Variants in DERL2 observed in about 807,000 individuals in gnomAD.
DERL2 encodes derlin 2.
Under a neutral mutation model 32.0 loss-of-function variants are expected in DERL2, and 13 were observed. That is an observed-to-expected ratio of 0.41 (90% CI 0.26 to 0.65). DERL2 has a LOEUF of 0.65. Among genes scored for constraint, DERL2 ranks in the 30% least tolerant of loss-of-function variants. The probability of loss-of-function intolerance (pLI) is 0.35; values close to 1 mark genes in which losing one functional copy is unlikely to be tolerated. For synonymous variants in DERL2, 111 were observed against 104.7 expected (o/e 1.06, Z -0.37); for missense variants, 208 against 296.3 (o/e 0.70, Z 2.19).
Position 5,484,605 on chromosome 17 carries a change from C to T in DERL2, c.159+546G>A, listed in dbSNP as rs542206051. On this transcript the variant is annotated intron_variant, in intron 2 of 6. Transcript: ENST00000158771. ...TCTCCCATTGTAATCTAATAAACCA[C>T]CATATAGCTTTAGATGTTTGGAATT... Among the ~76,000 whole-genome samples, 9 of 152,326 alleles carry T rather than the reference C, an allele frequency of 5.9e-5. No individual in the cohort carries two copies. The South Asian group carries it at 1.4e-3, about 25-fold the overall frequency.
intron 6 of DERL2, among the ~76,000 whole-genome samples, chr17:5,477,543 G>C (rs965218575): frequency 1.3e-5 from 2 of 152,136 alleles, no homozygotes; most frequent in Non-Finnish European, 2.9e-5. Flanking sequence ...AAGGAATTAA[G>C]TATACATATA....
At chr17:5,482,146 T>C (rs1263878106) in intron 3 of DERL2, 1 of 152,212 alleles carries the variant, frequency 6.6e-6, no homozygotes, top group Non-Finnish European at 1.5e-5. Flanking sequence ...GAGAAAAAAC[T>C]TTAATGGAAA....
upstream of DERL2, chr17:5,486,310 A>C (rs1019087369): frequency 3.6e-4 from 207 of 573,286 alleles, no homozygotes; most frequent in East Asian, 6.9e-4. Context: ...CAATCCGTAG[A>C]GACCTAAGGA....
intron 2 of DERL2, among the ~76,000 whole-genome samples, chr17:5,483,836 G>C (rs920038412): frequency 6.6e-6 from 1 of 152,226 alleles, no homozygotes; most frequent in East Asian, 1.9e-4. Context: ...GACTTACTTG[G>C]ATGGAACTAC....
intron 6 of DERL2, among the ~76,000 whole-genome samples, chr17:5,475,672 C>T (rs1390410648): frequency 4.6e-5 from 7 of 152,040 alleles, no homozygotes; most frequent in Admixed American, 2.0e-4. Flanking sequence ...TCACTTGAAC[C>T]TGGGAGGCAC....
intron 6 of DERL2, among the ~76,000 whole-genome samples, chr17:5,479,496 T>TAAAAAAAAAAAAAAAAA (rs11306765): frequency 1.6e-3 from 112 of 69,408 alleles, no homozygotes; most frequent in Non-Finnish European, 2.6e-3. Flanking sequence ...AGACTCCATG[T>TAAAAAAAAAAAAAAAAA]AAAAAAAAAA....
At chr17:5,484,876 G>A (rs1039950064) in intron 2 of DERL2, among the ~76,000 whole-genome samples, 1 of 152,124 alleles carries the variant, frequency 6.6e-6, no homozygotes, top group African/African-American at 2.4e-5. Context: ...AACGATGCAG[G>A]GAACTTTAAA....
chr17:5,486,361 C>CG, upstream of DERL2: 3 of 507,256 alleles, frequency 5.9e-6, no homozygotes, highest in East Asian at 3.5e-5. Flanking sequence ...CCACCGCCCC[C>CG]CCCCAGCGCC....
chr17:5,485,001 G>C (rs1906074757), intron 2 of DERL2, 150 bp downstream of exon 2: 2 of 472,462 alleles, frequency 4.2e-6, no homozygotes. Context: ...CCAGGCTGCA[G>C]AATCACTGCT....
At chr17:5,480,334 A>C (rs1408699793) in intron 5 of DERL2, 53 bp downstream of exon 5, 1 of 1,539,024 alleles carries the variant, frequency 6.5e-7, no homozygotes, top group African/African-American at 1.4e-5. Context: ...AAAAATAGTA[A>C]CAAAATACTT....
chr17:5,475,341 C>T (rs1009737709), intron 6 of DERL2, among the ~76,000 whole-genome samples: 1 of 151,232 alleles, frequency 6.6e-6, no homozygotes, highest in Non-Finnish European at 1.5e-5. Context: ...CTCACTGCAA[C>T]CTCCGCCTCC....
chr17:5,476,008 T>G (rs1905360318), intron 6 of DERL2, among the ~76,000 whole-genome samples: 2 of 152,300 alleles, frequency 1.3e-5, no homozygotes, highest in African/African-American at 4.8e-5. Context: ...ACAGTATGAA[T>G]ATACTTAATG....
intron 6 of DERL2, 93 bp downstream of exon 6, chr17:5,479,961 T>G: frequency 1.3e-6 from 1 of 747,588 alleles, no homozygotes; most frequent in South Asian, 1.7e-5. Flanking sequence ...CTGAGCTATG[T>G]GTACTAGGAG....
intron 1 of DERL2, 156 bp downstream of exon 1, chr17:5,485,913 C>A (rs1906219215): frequency 3.7e-6 from 2 of 545,688 alleles, no homozygotes; most frequent in Non-Finnish European, 6.3e-6. Context: ...GATAAGCATT[C>A]TTGGCGCCAA....
chr17:5,476,937 G>T (rs1905427563), intron 6 of DERL2, among the ~76,000 whole-genome samples: 1 of 152,176 alleles, frequency 6.6e-6, no homozygotes, highest in African/African-American at 2.4e-5. Context: ...AGCCCGAGTA[G>T]GATGGGGAGG....
At chr17:5,480,713 A>G in intron 4 of DERL2, 131 bp from the exon 5 acceptor site, 1 of 767,122 alleles carries the variant, frequency 1.3e-6, no homozygotes, top group Non-Finnish European at 1.9e-6. Flanking sequence ...TTAGAATAGA[A>G]GGAGAAACAC....
Position 5,474,646 on chromosome 17 carries a change from G to A in DERL2, c.*38C>T. ...AAAAGATCCCAGTGGGTATCACCGA[G>A]TCCTTCCCAGCTGGGTCTCATTATT... On this transcript the variant is annotated 3_prime_UTR_variant, in exon 7 of 7. Transcript: ENST00000158771. This position sits in a 1 kb window ranked among gnomAD's most constrained non-coding sequence, Gnocchi z 4.3. The A allele has an allele frequency of 6.6e-7, 1 of 1,512,052 alleles. No individual in the cohort carries two copies. Among genetic ancestry groups the A allele is most frequent in the Non-Finnish European group, 9.1e-7 (1 of 1,100,600 alleles). The allele number at this position is 1,512,052 out of a possible 1,614,324, so 93.7% of individuals were successfully genotyped here.
At chr17:5,476,696 G>A (rs11651071) in intron 6 of DERL2, among the ~76,000 whole-genome samples, 18,343 of 152,222 alleles carry the variant, frequency 0.12, 1,211 homozygotes, top group African/African-American at 0.18. Flanking sequence ...CAGGAGAATC[G>A]CTTGAACCCA....
At position 5,482,862 on chromosome 17, in the gene DERL2, G is replaced by A. The variant is rs1905881441; in HGVS notation, c.180C>T (p.Asn60=). 2 of 1,507,440 alleles carry A rather than the reference G, an allele frequency of 1.3e-6. No homozygotes were observed. Among genetic ancestry groups the A allele is most frequent in the African/African-American group, 1.4e-5 (1 of 71,172 alleles). The allele number at this position is 1,507,440 out of a possible 1,614,324, so 93.4% of individuals were successfully genotyped here. A position where few individuals can be genotyped will look rare whatever the true frequency, so the allele number is the denominator to read the frequency against. Residue 60 remains asparagine (N), a synonymous_variant, in exon 3 of 7, where the codon AAC becomes AAT. Coordinates refer to ENST00000158771, the MANE Select transcript of DERL2 (RefSeq NM_016041.5). ...KHFQIWRLIT[N]FLFFGPVGFN... is the part of the protein sequence containing the mutation. ...ATCCAACTGGCCCAAAAAATAAGAA[G>A]TTGGTGATTAATCTCCATATCTGTT... is the stretch of plus-strand genomic sequence containing the variant.
Sources: allele counts gnomAD v4.1 joint callset (sites outside exome capture counted in the v4.1 genomes callset), GRCh38; gene constraint gnomAD v4.1.1; non-coding constraint Gnocchi (gnomAD v3.1); transcripts MANE v1.5; gene names NCBI Gene and HGNC (gene_info 2026-07-23, HGNC 2026-07-21).